The following PARP10 variants were observed in gnomAD, a reference collection of about 807,000 sequenced individuals.
The protein encoded by PARP10 is poly(ADP-ribose) polymerase family member 10.
PARP10 carries 56 observed loss-of-function variants against 82.4 expected under a neutral mutation model. The ratio of observed to expected loss-of-function variants is 0.68; its 90% CI spans 0.55 to 0.85. The LOEUF is 0.85. Among genes scored for constraint, PARP10 ranks in the 40% least tolerant of loss-of-function variants. The probability of loss-of-function intolerance (pLI) is 0.00; values close to 1 mark genes in which losing one functional copy is unlikely to be tolerated. For missense variants in PARP10, 1,227 were observed against 1,379.4 expected, an observed-to-expected ratio of 0.89 and a Z score of 1.75; for synonymous variants, 576 against 601.1, an observed-to-expected ratio of 0.96 and a Z score of 0.61.
intron 5 of PARP10, 41 bp from the exon 6 acceptor site, chr8:143,984,472 C>T (rs782304558): frequency 6.3e-7 from 1 of 1,594,372 alleles, no homozygotes; most frequent in East Asian, 2.2e-5. Context: ...AGGTTTAGAG[C>T]ACAGGAAAGG....
In PARP10 at chr8:143,983,250, C is replaced by A. The variant is rs782116682; in HGVS notation, c.2339G>T (p.Arg780Leu). 8.7e-6 allele frequency: 14 copies of A among 1,613,064 alleles called. No homozygotes were observed. Among genetic ancestry groups the A allele is most frequent in the Non-Finnish European group, 1.1e-5 (13 of 1,179,862 alleles). The change falls in exon 8 of 11, where the codon CGT becomes CTT. Residue 780 changes from arginine to leucine, a missense_variant. Physicochemically the swap from Arg to Leu is moderately radical, Grantham distance 102 (BLOSUM62 -2). Coordinates refer to ENST00000313028, the MANE Select transcript of PARP10 (RefSeq NM_032789.5). ...AAGTGCCACCAAGTGGCGGGCAGCACGGGCAGGGTGGGCCCCGAAGCCACG... is the reference window on the plus strand; with the variant it reads ...AAGTGCCACCAAGTGGCGGGCAGCAAGGGCAGGGTGGGCCCCGAAGCCACG... ...ILRGFGAHPA[R>L]AARHLVALLA... is the part of the protein sequence containing the mutation.
intron 9 of PARP10, among the ~76,000 whole-genome samples, chr8:143,978,372 G>A (rs1176073360): frequency 6.6e-6 from 1 of 152,194 alleles, no homozygotes; most frequent in African/African-American, 2.4e-5. Context: ...AGCTGAGCCA[G>A]GGCCCTATGC....
At chr8:143,997,617 C>T (rs782735331) in intron 1 of PARP10, among the ~76,000 whole-genome samples, 7 of 152,114 alleles carry the variant, frequency 4.6e-5, no homozygotes, top group Non-Finnish European at 1.0e-4. Context: ...CCTGCTTAAA[C>T]TCCTTCACTT....
chr8:143,991,665 C>T (rs555752894), upstream of PARP10: 88 of 1,590,350 alleles, frequency 5.5e-5, no homozygotes, highest in South Asian at 9.6e-4. Flanking sequence ...TTGTGAGTGG[C>T]GCTGACCCAG....
At chr8:144,001,463 T>C (rs62530298) in intron 1 of PARP10, among the ~76,000 whole-genome samples, 67,333 of 151,926 alleles carry the variant, frequency 0.44, 15,967 homozygotes, top group African/African-American at 0.6. Context: ...TCCCAGCACT[T>C]TGGGAGGCCG....
intron 9 of PARP10, among the ~76,000 whole-genome samples, chr8:143,980,853 A>G (rs1314174153): frequency 6.6e-6 from 1 of 152,152 alleles, no homozygotes; most frequent in African/African-American, 2.4e-5. Flanking sequence ...TTTCATTATT[A>G]TAGTATGTCT....
intron 1 of PARP10, among the ~76,000 whole-genome samples, chr8:144,010,888 AAAAT>A (rs546357082): frequency 6.6e-6 from 1 of 152,082 alleles, no homozygotes; most frequent in Non-Finnish European, 1.5e-5. Flanking sequence ...TTGCCTCAAA[AAAAT>A]AAATAAATAA....
At chr8:143,991,466 G>A (rs1554750462), upstream of PARP10, 1 of 1,499,248 alleles carries the variant, frequency 6.7e-7, no homozygotes, top group African/African-American at 1.4e-5. Context: ...GCTACCCACA[G>A]GGCCCCTACC....
chr8:143,985,907 G>C lies in PARP10; in HGVS notation c.250C>G (p.Pro84Ala), dbSNP rs781825560. The change falls in exon 3 of 11, where the codon CCA becomes GCA. Residue 84 changes from proline to alanine, a missense_variant. Transcript: ENST00000313028. ...HGAQLSLRPA[P>A]PRAPARLLLQ... ...AGCAGGCGTGCAGGGGCTCGTGGTG[G>C]AGCTGGCCGCAGGCTCAGCTGGGCA... is the stretch of plus-strand genomic sequence containing the variant. 1 of 1,581,922 alleles carries C rather than the reference G, an allele frequency of 6.3e-7. No individual in the cohort carries two copies. Among genetic ancestry groups the C allele is most frequent in the Non-Finnish European group, 8.6e-7 (1 of 1,160,568 alleles).
chr8:143,992,686 C>T (rs782380457), upstream of PARP10: 11 of 1,613,940 alleles, frequency 6.8e-6, no homozygotes, highest in Admixed American at 1.7e-5. Flanking sequence ...GTGCTGTCAC[C>T]TCCAGTTCCT....
At chr8:143,994,206 C>T (rs1286132599), upstream of PARP10, among the ~76,000 whole-genome samples, 4 of 152,246 alleles carry the variant, frequency 2.6e-5, no homozygotes, top group Admixed American at 1.3e-4. Flanking sequence ...CCCTTAGCAC[C>T]TCTGTGTACG....
intron 1 of PARP10, among the ~76,000 whole-genome samples, chr8:144,001,027 C>T (rs1244577192): frequency 1.3e-5 from 2 of 150,354 alleles, no homozygotes; most frequent in Non-Finnish European, 3.0e-5. Flanking sequence ...CATTCTCTTG[C>T]CTCAGCCTCT....
chr8:143,984,854 C>T lies in PARP10; in HGVS notation c.1148G>A (p.Gly383Glu). Residue 383 changes from glycine (G) to glutamate (E), a missense_variant, in exon 5 of 11, where the codon GGG (glycine) becomes GAG (glutamate). Gly to Glu is a moderately conservative substitution (Grantham distance 98). Coordinates refer to ENST00000313028, the MANE Select transcript of PARP10 (RefSeq NM_032789.5). ...AGAGGTCTCCACTGGGCCTGCAGAC[C>T]CCACAGGCCCCAGGCTCATGGGCCC... Reference protein sequence around the residue: ...QEGPMSLGPVGSAGPVETSKG... With the variant: ...QEGPMSLGPVESAGPVETSKG... 1 of 1,609,726 alleles carries T rather than the reference C, an allele frequency of 6.2e-7. No individual in the cohort carries two copies. Among genetic ancestry groups the T allele is most frequent in the South Asian group, 1.1e-5 (1 of 90,938 alleles).
At chr8:143,992,148 C>G (rs1554750630), upstream of PARP10, 1 of 1,602,190 alleles carries the variant, frequency 6.2e-7, no homozygotes, top group Admixed American at 1.7e-5. Context: ...TCTTCCGGGC[C>G]TGGTCACCGT....
chr8:143,992,529 T>G, upstream of PARP10: 1 of 1,614,186 alleles, frequency 6.2e-7, no homozygotes, highest in Non-Finnish European at 8.5e-7. Flanking sequence ...CTCTTCATCT[T>G]CGCCATTCTC....
intron 1 of PARP10, among the ~76,000 whole-genome samples, chr8:144,009,796 C>T (rs1834261136): frequency 1.3e-5 from 2 of 152,176 alleles, no homozygotes; most frequent in Admixed American, 6.5e-5. Context: ...CCCTCGTTCT[C>T]GCCTTCATCC....
upstream of PARP10, chr8:143,991,827 C>T (rs782493130): frequency 1.9e-6 from 3 of 1,606,400 alleles, no homozygotes; most frequent in Admixed American, 3.3e-5. Flanking sequence ...ATCTCCAAGG[C>T]GGTGGGGGCT....
intron 1 of PARP10, among the ~76,000 whole-genome samples, chr8:143,997,799 TC>T (rs1362760352): frequency 6.6e-6 from 1 of 151,526 alleles, no homozygotes; most frequent in African/African-American, 2.4e-5. Flanking sequence ...TTTTTTTTTT[TC>T]CTTTTTTTTG....
chr8:143,993,198 C>T (rs1011380913), upstream of PARP10: 1 of 290,060 alleles, frequency 3.4e-6, no homozygotes, highest in Non-Finnish European at 6.7e-6. Context: ...TGAGGGTGCA[C>T]GTCTTCCCTC....
Sources: gnomAD v4.1 joint callset for allele counts (sites outside exome capture counted in the v4.1 genomes callset) on GRCh38, gnomAD v4.1.1 for gene constraint, MANE v1.5 for transcripts, NCBI Gene and HGNC (gene_info 2026-07-23, HGNC 2026-07-21) for gene names.